The following GARRE1 variants were observed in gnomAD, a reference collection of about 807,000 sequenced individuals.
GARRE1 encodes the protein granule associated Rac and RHOG effector protein 1.
GARRE1 carries 49 observed loss-of-function variants against 103.2 expected under a neutral mutation model. The ratio of observed to expected loss-of-function variants is 0.47; its 90% CI spans 0.38 to 0.60. GARRE1 has a LOEUF of 0.60. Among genes scored for constraint, GARRE1 ranks in the 20% least tolerant of loss-of-function variants. GARRE1 has a pLI of 0.00. For missense variants in GARRE1, 1,199 were observed against 1,370.5 expected, an observed-to-expected ratio of 0.87 and a Z score of 1.98; for synonymous variants, 505 against 532.8, an observed-to-expected ratio of 0.95 and a Z score of 0.72.
At chr19:34,287,855 CT>C (rs1264627533) in intron 1 of GARRE1, among the ~76,000 whole-genome samples, 2 of 152,132 alleles carry the variant, frequency 1.3e-5, no homozygotes, top group Non-Finnish European at 2.9e-5. Context: ...ACCTAAATAC[CT>C]TCCAAAGGCC....
At chr19:34,302,162 G>A (rs1217829511) in intron 2 of GARRE1, among the ~76,000 whole-genome samples, 1 of 147,584 alleles carries the variant, frequency 6.8e-6, no homozygotes, top group Non-Finnish European at 1.5e-5. Flanking sequence ...GGCTAATTTT[G>A]TATTTTTAGT....
intron 1 of GARRE1, among the ~76,000 whole-genome samples, chr19:34,297,432 A>C (rs1445637082): frequency 6.6e-6 from 1 of 152,198 alleles, no homozygotes; most frequent in Non-Finnish European, 1.5e-5. Context: ...GTGGTTTTTT[A>C]ATTAGGTAAG....
chr19:34,339,323 G>A (rs979951879), intron 8 of GARRE1, among the ~76,000 whole-genome samples: 5 of 152,334 alleles, frequency 3.3e-5, no homozygotes, highest in Middle Eastern at 3.4e-3. Flanking sequence ...ACAGAACTCA[G>A]TAAAACATTT....
intron 1 of GARRE1, among the ~76,000 whole-genome samples, chr19:34,256,686 C>T (rs1363755934): frequency 1.3e-5 from 2 of 151,862 alleles, no homozygotes; most frequent in East Asian, 1.9e-4. Flanking sequence ...ATCATTTTAT[C>T]ATATTTTAGA....
chr19:34,262,287 CTTTTTTT>C (rs1018456778), intron 1 of GARRE1, among the ~76,000 whole-genome samples: 8 of 35,762 alleles, frequency 2.2e-4, no homozygotes, highest in Admixed American at 4.7e-4. Flanking sequence ...CCAGCTGCTG[CTTTTTTT>C]TTTTTTTTTT....
intron 9 of GARRE1, among the ~76,000 whole-genome samples, chr19:34,340,592 A>G (rs1487520446): frequency 6.6e-6 from 1 of 151,982 alleles, no homozygotes; most frequent in African/African-American, 2.4e-5. Flanking sequence ...CTCTCCATCC[A>G]TGCTATCCAT....
chr19:34,274,252 A>G (rs2073804124), intron 1 of GARRE1, among the ~76,000 whole-genome samples: 1 of 152,086 alleles, frequency 6.6e-6, no homozygotes, highest in South Asian at 2.1e-4. Flanking sequence ...CTAAAAATAC[A>G]AAATTAGCCG....
chr19:34,301,389 C>T (rs2073977666), intron 2 of GARRE1, among the ~76,000 whole-genome samples: 1 of 151,718 alleles, frequency 6.6e-6, no homozygotes, highest in Non-Finnish European at 1.5e-5. Context: ...TCCAGAAGCC[C>T]TGACTACTCC....
intron 1 of GARRE1, among the ~76,000 whole-genome samples, chr19:34,256,263 G>A (rs946021292): frequency 1.3e-4 from 20 of 151,640 alleles, no homozygotes; most frequent in Non-Finnish European, 2.6e-4. Context: ...TGTAATCCCA[G>A]CACTTTGGGA....
Position 34,352,748 on chromosome 19 carries a change from C to T in GARRE1, c.3006C>T (p.Thr1002=), listed in dbSNP as rs774221711. 9 of 1,614,138 alleles carry T rather than the reference C, an allele frequency of 5.6e-6. No homozygotes were observed. In the South Asian group the frequency reaches 9.9e-5, roughly 18 times the overall value. Residue 1002 remains threonine, a synonymous_variant, in exon 14 of 14, where the codon ACC becomes ACT. Transcript: ENST00000299505. ...CCAGCGCACCACTCTATGCAGTCAC[C>T]AGCCCTGGCAGCCAGTGGAACGACA... ...PSPSAPLYAV[T]SPGSQWNDTM...
chr19:34,290,492 C>T (rs904190984), intron 1 of GARRE1, among the ~76,000 whole-genome samples: 1 of 152,044 alleles, frequency 6.6e-6, no homozygotes, highest in Non-Finnish European at 1.5e-5. Flanking sequence ...ACCACAAAGC[C>T]TTTTTTTCTC....
chr19:34,348,096 G>A (rs2074221130), intron 11 of GARRE1, 54 bp downstream of exon 11: 1 of 1,356,182 alleles, frequency 7.4e-7, no homozygotes, highest in East Asian at 2.8e-5. Context: ...TGTCCCCCGA[G>A]GGGCCTGTGA....
intron 1 of GARRE1, among the ~76,000 whole-genome samples, chr19:34,259,514 A>T (rs2073700928): frequency 6.6e-6 from 1 of 152,248 alleles, no homozygotes; most frequent in African/African-American, 2.4e-5. Flanking sequence ...AGAATGCCAA[A>T]TAAGCAATTG....
At position 34,353,932 on chromosome 19, in the gene GARRE1, A is replaced by C. The variant is rs1344719415; in HGVS notation, c.*977A>C. 6.6e-6 allele frequency: 1 copy of C among 152,634 alleles called. No homozygotes were observed. The highest frequency in any genetic ancestry group is 1.9e-4 in the East Asian group (1 of 5,200). The allele number at this position is 152,634 out of a possible 1,614,324, so 9.5% of individuals were successfully genotyped here. ...AATTTAAGGTCTTTTCTTAAAAAAA[A>C]AATCCACCTCATTTTCAGTTAACAT... On this transcript the variant is annotated 3_prime_UTR_variant, in exon 14 of 14. Coordinates refer to ENST00000299505, the MANE Select transcript of GARRE1 (RefSeq NM_014686.5).
intron 1 of GARRE1, among the ~76,000 whole-genome samples, chr19:34,281,288 T>TTTTG (rs1057246848): frequency 6.6e-6 from 1 of 152,032 alleles, no homozygotes; most frequent in South Asian, 2.1e-4. Flanking sequence ...GTCTGGATAA[T>TTTTG]TTTGTTTGTT....
chr19:34,341,809 C>A lies in GARRE1; in HGVS notation c.1875C>A (p.Asn625Lys), dbSNP rs1421810171. The A allele has an allele frequency of 3.1e-6, 5 of 1,614,066 alleles. No homozygotes were observed. The highest frequency in any genetic ancestry group is 3.4e-6 in the Non-Finnish European group (4 of 1,180,046). The change falls in exon 10 of 14, where the codon AAC becomes AAA. Residue 625 changes from asparagine to lysine, a missense_variant. Transcript: ENST00000299505. ...GCTTTCTCATGGAGAGGCGTGAGAA[C>A]TTCCTGCATGGAGATGACGGCAAGG... ...ANGFLMERRE[N>K]FLHGDDGKDE...
At chr19:34,302,486 G>A (rs2073985178) in intron 2 of GARRE1, among the ~76,000 whole-genome samples, 1 of 151,448 alleles carries the variant, frequency 6.6e-6, no homozygotes, top group Non-Finnish European at 1.5e-5. Flanking sequence ...TAGAGACAGG[G>A]TTTCACCATC....
intron 1 of GARRE1, among the ~76,000 whole-genome samples, chr19:34,264,614 G>A (rs1031252417): frequency 1.3e-5 from 2 of 152,150 alleles, no homozygotes; most frequent in Non-Finnish European, 2.9e-5. Flanking sequence ...TAGCCAGGAT[G>A]GTCTTGATCT....
At position 34,327,847 on chromosome 19, in the gene GARRE1, C is replaced by A; in HGVS notation, c.923C>A (p.Ala308Glu). 1 of 1,614,172 alleles carries A rather than the reference C, an allele frequency of 6.2e-7. No individual in the cohort carries two copies. Among genetic ancestry groups the A allele is most frequent in the South Asian group, 1.1e-5 (1 of 91,078 alleles). Residue 308 changes from alanine to glutamate, a missense_variant, in exon 5 of 14, where the codon GCG becomes GAG. Physicochemically the swap from Ala to Glu is moderately radical, Grantham distance 107. Coordinates refer to ENST00000299505, the MANE Select transcript of GARRE1 (RefSeq NM_014686.5). Reference sequence around the variant, plus strand: ...GCCGGCTTCCACCTGAATCCAAAGGCGATTGAAGCAAGTTTGCAGGTACAC... The same window carrying A: ...GCCGGCTTCCACCTGAATCCAAAGGAGATTGAAGCAAGTTTGCAGGTACAC... Reference protein sequence around the residue: ...MKAGFHLNPKAIEASLQGCCS... With the variant: ...MKAGFHLNPKEIEASLQGCCS...
Sources: gnomAD v4.1 joint callset for allele counts (sites outside exome capture counted in the v4.1 genomes callset) on GRCh38, gnomAD v4.1.1 for gene constraint, MANE v1.5 for transcripts, NCBI Gene and HGNC (gene_info 2026-07-23, HGNC 2026-07-21) for gene names.